NRP1: variants seen among roughly 807,000 people sequenced by gnomAD.
The protein encoded by NRP1 is neuropilin-1.
NRP1 carries 35 observed loss-of-function variants against 106.7 expected under a neutral mutation model. The observed-to-expected ratio is 0.33, with a 90% CI of 0.25 to 0.43. The LOEUF (loss-of-function observed/expected upper bound fraction) is 0.43. NRP1 is among the 20% of genes least tolerant of loss of function. The pLI, the probability that NRP1 is intolerant of heterozygous loss-of-function variation, is 1.00. For missense variants in NRP1, 1,024 were observed against 1,170.4 expected, an observed-to-expected ratio of 0.87 and a Z score of 1.83; for synonymous variants, 437 against 417.9, an observed-to-expected ratio of 1.05 and a Z score of -0.56.
At chr10:33,245,699 A>G (rs1306990728) in intron 6 of NRP1, among the ~76,000 whole-genome samples, 1 of 152,202 alleles carries the variant, frequency 6.6e-6, no homozygotes, top group Non-Finnish European at 1.5e-5. Context: ...GTGGTCTTTC[A>G]AATCACTTAA....
chr10:33,270,176 T>A (rs187289915), intron 3 of NRP1, among the ~76,000 whole-genome samples: 202 of 152,204 alleles, frequency 1.3e-3, no homozygotes, highest in Non-Finnish European at 2.3e-3. Flanking sequence ...CAATTTTAAA[T>A]ACACTTCCTC....
chr10:33,206,078 GT>G, intron 10 of NRP1: 1 of 416,080 alleles, frequency 2.4e-6, no homozygotes, highest in South Asian at 1.8e-5. Flanking sequence ...CTGTCATCAT[GT>G]TCTCATTACA....
intron 8 of NRP1, among the ~76,000 whole-genome samples, chr10:33,220,500 G>A (rs1839144202): frequency 6.6e-6 from 1 of 152,172 alleles, no homozygotes; most frequent in Non-Finnish European, 1.5e-5. Context: ...TTTTGTTGGT[G>A]GTGGTTGTTT....
intron 2 of NRP1, among the ~76,000 whole-genome samples, chr10:33,320,029 G>A (rs1281748782): frequency 6.6e-6 from 1 of 151,844 alleles, no homozygotes; most frequent in East Asian, 2.0e-4. Flanking sequence ...AGCCTGCTCC[G>A]GGGCCGGGCG....
At chr10:33,183,782 G>T (rs1835836392) in intron 15 of NRP1, among the ~76,000 whole-genome samples, 1 of 152,168 alleles carries the variant, frequency 6.6e-6, no homozygotes, top group Non-Finnish European at 1.5e-5. Flanking sequence ...ACACCCAGAT[G>T]TTCAAGGATG....
chr10:33,277,299 A>G (rs1048263636), intron 2 of NRP1, among the ~76,000 whole-genome samples: 3 of 152,208 alleles, frequency 2.0e-5, no homozygotes, highest in Non-Finnish European at 4.4e-5. Flanking sequence ...GCTTCCTGCC[A>G]GAGCTGTCCT....
Position 33,192,405 on chromosome 10 carries a change from A to G in NRP1, c.1938T>C (p.Tyr646=), listed in dbSNP as rs545737292. The change falls in exon 13 of 17, where the codon TAT becomes TAC. Residue 646 remains tyrosine, a synonymous_variant. Transcript: ENST00000374867. ...CCCAGCCAAATTCACAGTTAAAACCATATGTTGGAAACTCTTCAGTGGGTG... is the reference window on the plus strand; with the variant it reads ...CCCAGCCAAATTCACAGTTAAAACCGTATGTTGGAAACTCTTCAGTGGGTG... ...DSTIQSEFPT[Y]GFNCEFGWGS... 11 of 1,613,760 alleles carry G rather than the reference A, an allele frequency of 6.8e-6. No individual in the cohort carries two copies. In the East Asian group the frequency reaches 8.9e-5, roughly 13 times the overall value.
intron 6 of NRP1, among the ~76,000 whole-genome samples, chr10:33,236,286 C>T (rs1840548062): frequency 6.6e-6 from 1 of 152,178 alleles, no homozygotes; most frequent in Non-Finnish European, 1.5e-5. Context: ...GGTAATCAGT[C>T]TCAAATATGT....
intron 13 of NRP1, among the ~76,000 whole-genome samples, chr10:33,190,523 A>G (rs1400618335): frequency 6.6e-6 from 1 of 152,162 alleles, no homozygotes. Flanking sequence ...CAACCTATTT[A>G]ATGGTTATAT....
intron 4 of NRP1, among the ~76,000 whole-genome samples, chr10:33,259,778 T>G (rs1474879795): frequency 6.6e-6 from 1 of 152,190 alleles, no homozygotes; most frequent in East Asian, 1.9e-4. Context: ...TATCTCAGAA[T>G]CAGATGATTT....
At chr10:33,194,203 C>G (rs189345985) in intron 12 of NRP1, among the ~76,000 whole-genome samples, 266 of 152,264 alleles carry the variant, frequency 1.7e-3, no homozygotes, top group Non-Finnish European at 2.7e-3. Context: ...GATTGAGCAA[C>G]CTTGGATGCC....
At chr10:33,220,631 C>T (rs1031595821) in intron 8 of NRP1, among the ~76,000 whole-genome samples, 1 of 152,118 alleles carries the variant, frequency 6.6e-6, no homozygotes, top group Non-Finnish European at 1.5e-5. Flanking sequence ...CGCGGTGGCT[C>T]ACGCCTGTAA....
chr10:33,223,823 TG>T (rs976467380), intron 7 of NRP1, among the ~76,000 whole-genome samples: 29 of 152,096 alleles, frequency 1.9e-4, no homozygotes, highest in Admixed American at 1.1e-3. Flanking sequence ...GGGCCGCCAA[TG>T]ATGGTGCTCT....
intron 2 of NRP1, among the ~76,000 whole-genome samples, chr10:33,292,935 G>A (rs1157696318): frequency 1.3e-5 from 2 of 151,196 alleles, no homozygotes; most frequent in Non-Finnish European, 2.9e-5. Flanking sequence ...GCAGTGAGCC[G>A]AGATCGTGCC....
intron 7 of NRP1, among the ~76,000 whole-genome samples, chr10:33,224,767 C>T (rs539625448): frequency 1.2e-4 from 19 of 152,176 alleles, no homozygotes; most frequent in African/African-American, 4.3e-4. Context: ...CCCTGCAATG[C>T]ATCCATGTGT....
intron 4 of NRP1, among the ~76,000 whole-genome samples, chr10:33,260,978 C>A: frequency 1.0e-5 from 1 of 95,620 alleles, no homozygotes; most frequent in African/African-American, 4.1e-5. Flanking sequence ...TTTCTAGTGC[C>A]ATTGACCAAA....
chr10:33,228,660 A>G (rs1007101488), intron 6 of NRP1, among the ~76,000 whole-genome samples: 5 of 152,216 alleles, frequency 3.3e-5, no homozygotes, highest in Admixed American at 2.6e-4. Context: ...AACAGCACAT[A>G]GAAGCCAATT....
intron 8 of NRP1, among the ~76,000 whole-genome samples, chr10:33,218,478 T>A (rs1357333044): frequency 6.6e-6 from 1 of 151,916 alleles, no homozygotes; most frequent in Non-Finnish European, 1.5e-5. Context: ...TCTGAGTAGC[T>A]GGGACTACAA....
chr10:33,201,735 G>A (rs771158726), intron 11 of NRP1: 3 of 152,182 alleles, frequency 2.0e-5, no homozygotes, highest in Admixed American at 6.5e-5. Flanking sequence ...GAAATTTGGA[G>A]AGAGACAGCT....
Sources: gnomAD v4.1 joint callset for allele counts (sites outside exome capture counted in the v4.1 genomes callset) on GRCh38, gnomAD v4.1.1 for gene constraint, MANE v1.5 for transcripts, NCBI Gene and HGNC (gene_info 2026-07-23, HGNC 2026-07-21) for gene names.